CUX2: variants seen among roughly 807,000 people sequenced by gnomAD.
The protein encoded by CUX2 is homeobox protein cut-like 2.
Under a neutral mutation model 144.8 loss-of-function variants are expected in CUX2, and 40 were observed. The observed-to-expected ratio is 0.28, with a 90% CI of 0.21 to 0.36. The LOEUF (loss-of-function observed/expected upper bound fraction) is 0.36. Ranked by LOEUF, CUX2 falls within the 10% of genes least tolerant of loss-of-function variation. The pLI, the probability that CUX2 is intolerant of heterozygous loss-of-function variation, is 1.00. For synonymous variants in CUX2, 827 were observed against 875.6 expected, an observed-to-expected ratio of 0.94 and a Z score of 0.98; for missense variants, 1,615 against 1,994.0, an observed-to-expected ratio of 0.81 and a Z score of 3.62.
intron 3 of CUX2, among the ~76,000 whole-genome samples, chr12:111,239,016 G>A (rs1882894337): frequency 6.6e-6 from 1 of 152,218 alleles, no homozygotes; most frequent in Non-Finnish European, 1.5e-5. Context: ...CTGCACTCCA[G>A]TGTGAGTGAC....
chr12:111,295,320 C>G lies in CUX2; in HGVS notation c.561-13C>G, dbSNP rs780563664. On this transcript the variant is annotated splice_polypyrimidine_tract_variant and intron_variant, in intron 6 of 21. Transcript: ENST00000261726. The surrounding 1 kb of genome is among the most constrained non-coding windows in gnomAD (Gnocchi z 5.0). The stretch of plus-strand genomic sequence containing the variant: ...CCCTGCAGCCAGCACAAGCAGGCCT[C>G]GTCTCTCCGCAGGGGCCTTCAAGAA... 1.2e-6 allele frequency: 2 copies of G among 1,610,678 alleles called. No individual in the cohort carries two copies. The highest frequency in any genetic ancestry group is 1.7e-6 in the Non-Finnish European group (2 of 1,178,708).
rs746664186 is a variant in CUX2, at chr12:111,310,218, C to G, written c.1436C>G (p.Ser479Cys). ...GACGGCACTCGGACTTTCTCGCTGT[C>G]CCCCTTCCCCAGCCTGGCATCAGGG... is the stretch of plus-strand genomic sequence containing the variant. ...GPDGTRTFSL[S>C]PFPSLASGER... The change falls in exon 15 of 22, where the codon TCC becomes TGC. Residue 479 changes from serine (S) to cysteine (C), a missense_variant. This residue lies in a region of CUX2 where 154 missense variants were observed against 148.4 expected (regional missense o/e 1.04). Transcript: ENST00000261726. The surrounding 1 kb of genome is among the most constrained non-coding windows in gnomAD (Gnocchi z 7.9). 1 of 1,512,350 alleles carries G rather than the reference C, an allele frequency of 6.6e-7. No homozygotes were observed. The highest frequency in any genetic ancestry group is 2.3e-5 in the Admixed American group (1 of 44,226). The allele number at this position is 1,512,350 out of a possible 1,614,324, so 93.7% of individuals were successfully genotyped here.
intron 16 of CUX2, among the ~76,000 whole-genome samples, chr12:111,313,345 A>C (rs957367123): frequency 6.6e-6 from 1 of 150,612 alleles, no homozygotes; most frequent in Non-Finnish European, 1.5e-5. Flanking sequence ...CTGGGATTAC[A>C]GGCGTGAGCC....
chr12:111,269,688 C>T (rs1489552355), intron 4 of CUX2, among the ~76,000 whole-genome samples: 1 of 152,118 alleles, frequency 6.6e-6, no homozygotes, highest in African/African-American at 2.4e-5. Context: ...CTTATGGGAC[C>T]CTCATCTTTC....
chr12:111,175,060 A>C (rs946275498), intron 1 of CUX2, among the ~76,000 whole-genome samples: 2 of 152,228 alleles, frequency 1.3e-5, no homozygotes, highest in African/African-American at 4.8e-5. Flanking sequence ...ACAGGGATGC[A>C]GCATCTTAGA....
At chr12:111,193,754 T>C (rs1055641344) in intron 1 of CUX2, among the ~76,000 whole-genome samples, 2 of 152,158 alleles carry the variant, frequency 1.3e-5, no homozygotes, top group Non-Finnish European at 2.9e-5. Context: ...TGCCATGGGC[T>C]TGGCCTCCGC....
chr12:111,104,710 C>T (rs1873482826), intron 1 of CUX2, among the ~76,000 whole-genome samples: 1 of 152,214 alleles, frequency 6.6e-6, no homozygotes, highest in Admixed American at 6.5e-5. Context: ...TCAGAGCCGC[C>T]AGGCCAGAAG....
chr12:111,318,706 G>A (rs1887334670), intron 16 of CUX2, among the ~76,000 whole-genome samples: 1 of 151,680 alleles, frequency 6.6e-6, no homozygotes, highest in Non-Finnish European at 1.5e-5. Flanking sequence ...TCTAGAGATG[G>A]ATGTCTCATT....
At chr12:111,199,756 G>A (rs1451873417) in intron 1 of CUX2, among the ~76,000 whole-genome samples, 3 of 152,004 alleles carry the variant, frequency 2.0e-5, no homozygotes, top group Admixed American at 1.3e-4. Context: ...GTGTCCCGGC[G>A]TCCCTGTATC....
chr12:111,261,190 G>T (rs1034013617), intron 3 of CUX2, among the ~76,000 whole-genome samples: 6 of 152,150 alleles, frequency 3.9e-5, no homozygotes, highest in Non-Finnish European at 7.3e-5. Context: ...TTTGCTAACC[G>T]GGTGACCTTG....
chr12:111,117,667 AT>A (rs1233815821), intron 1 of CUX2, among the ~76,000 whole-genome samples: 9 of 152,194 alleles, frequency 5.9e-5, no homozygotes, highest in Non-Finnish European at 1.2e-4. Context: ...GTTATTGACT[AT>A]TTACCACATG....
chr12:111,042,618 ATTG>A (rs1869804899), intron 1 of CUX2, among the ~76,000 whole-genome samples: 1 of 152,058 alleles, frequency 6.6e-6, no homozygotes, highest in African/African-American at 2.4e-5. Flanking sequence ...CTCCTTAAGA[ATTG>A]TTGTGAGGAC....
chr12:111,080,869 G>A (rs1482662975), intron 1 of CUX2, among the ~76,000 whole-genome samples: 1 of 152,200 alleles, frequency 6.6e-6, no homozygotes, highest in Non-Finnish European at 1.5e-5. Flanking sequence ...ATAAGTTATT[G>A]TTATTATTAC....
At chr12:111,247,505 C>T (rs1264682085) in intron 3 of CUX2, among the ~76,000 whole-genome samples, 2 of 152,212 alleles carry the variant, frequency 1.3e-5, no homozygotes, top group East Asian at 3.8e-4. Flanking sequence ...GGGATCCCTG[C>T]AGCCTTCCCA....
rs1869519261 is a variant in CUX2 at position 111,037,497 on chromosome 12, C to A, written c.63+3257C>A. Among the ~76,000 whole-genome samples the A allele has an allele frequency of 6.6e-6, 1 of 152,238 alleles. No individual in the cohort carries two copies. Among genetic ancestry groups the A allele is most frequent in the Non-Finnish European group, 1.5e-5 (1 of 68,046 alleles). ...GGAAGTCAGTCAACAACCTTAATGACTTTGGGCCGATGGTAAAGGTGATCT... is the reference window on the plus strand; with the variant it reads ...GGAAGTCAGTCAACAACCTTAATGAATTTGGGCCGATGGTAAAGGTGATCT... On this transcript the variant is annotated intron_variant, in intron 1 of 21. Transcript: ENST00000261726. The surrounding 1 kb of genome is among the most constrained non-coding windows in gnomAD (Gnocchi z 5.4).
At chr12:111,145,854 TTTTTGTTTTG>T (rs550078285) in intron 1 of CUX2, among the ~76,000 whole-genome samples, 5 of 151,614 alleles carry the variant, frequency 3.3e-5, no homozygotes, top group South Asian at 2.1e-4. Flanking sequence ...TGTTTGTTTG[TTTTTGTTTTG>T]TTTTGTTTTG....
rs1365892370 is a variant in CUX2 at position 111,061,184 on chromosome 12, A to G, written c.63+26944A>G. ...CAGATGTGTGCATGCATATGCACAC[A>G]CACACACACACACACACACACACAC... On this transcript the variant is annotated intron_variant, in intron 1 of 21. Coordinates refer to ENST00000261726, the MANE Select transcript of CUX2 (RefSeq NM_015267.4). The surrounding 1 kb of genome is among the most constrained non-coding windows in gnomAD (Gnocchi z 4.2). Among the ~76,000 whole-genome samples, 6 of 141,008 alleles carry G rather than the reference A, an allele frequency of 4.3e-5. No individual in the cohort carries two copies. Among genetic ancestry groups the G allele is most frequent in the African/African-American group, 1.9e-4 (6 of 31,686 alleles). 92.5% of individuals were successfully genotyped at this position (141,008 alleles called of 152,430 possible). A position where few individuals can be genotyped will look rare whatever the true frequency, so the allele number is the denominator to read the frequency against.
chr12:111,034,847 G>T lies in CUX2; in HGVS notation c.63+607G>T, dbSNP rs1869343387. Reference sequence around the variant, plus strand: ...CCGCCTGGCTGCGCAGCCCGGACGCGCCGCCACCCGGGGGCCGCCGCCGCC... The same window carrying T: ...CCGCCTGGCTGCGCAGCCCGGACGCTCCGCCACCCGGGGGCCGCCGCCGCC... On this transcript the variant is annotated intron_variant, in intron 1 of 21. Coordinates refer to ENST00000261726, the MANE Select transcript of CUX2 (RefSeq NM_015267.4). This position sits in a 1 kb window ranked among gnomAD's most constrained non-coding sequence, Gnocchi z 4.2. Among the ~76,000 whole-genome samples, 1 of 148,926 alleles carries T rather than the reference G, an allele frequency of 6.7e-6. No homozygotes were observed. Among genetic ancestry groups the T allele is most frequent in the Non-Finnish European group, 1.5e-5 (1 of 66,814 alleles).
intron 1 of CUX2, among the ~76,000 whole-genome samples, chr12:111,095,587 G>A (rs891601184): frequency 6.6e-6 from 1 of 152,126 alleles, no homozygotes; most frequent in East Asian, 1.9e-4. Flanking sequence ...GAGGTAAGGA[G>A]GGAAATGACT....
Sources: allele counts gnomAD v4.1 joint callset (sites outside exome capture counted in the v4.1 genomes callset), GRCh38; gene constraint gnomAD v4.1.1; regional missense constraint gnomAD v4.1.1; non-coding constraint Gnocchi (gnomAD v3.1); transcripts MANE v1.5; gene names NCBI Gene and HGNC (gene_info 2026-07-23, HGNC 2026-07-21).